The following OSBPL5 variants were observed in gnomAD, a reference collection of about 807,000 sequenced individuals.
OSBPL5 encodes the protein oxysterol-binding protein-related protein 5.
A neutral mutation model predicts 111.2 loss-of-function variants in OSBPL5; 71 were observed. That is an observed-to-expected ratio of 0.64 (90% CI 0.53 to 0.78). The LOEUF is 0.78. Among genes scored for constraint, OSBPL5 ranks in the 30% least tolerant of loss-of-function variants. OSBPL5 has a pLI of 0.00. For missense variants in OSBPL5, 1,210 were observed against 1,189.3 expected, an observed-to-expected ratio of 1.02 and a Z score of -0.26; for synonymous variants, 549 against 513.9, an observed-to-expected ratio of 1.07 and a Z score of -0.93.
chr11:3,131,555 CCATTCATT>C (rs1417474920), intron 1 of OSBPL5, among the ~76,000 whole-genome samples: 4 of 102,600 alleles, frequency 3.9e-5, no homozygotes, highest in African/African-American at 1.5e-4. Flanking sequence ...ATCCACCCAC[CCATTCATT>C]CATCCATCCA....
chr11:3,114,748 G>A (rs1026557935), intron 7 of OSBPL5, among the ~76,000 whole-genome samples: 5 of 151,414 alleles, frequency 3.3e-5, no homozygotes, highest in Non-Finnish European at 7.4e-5. Context: ...ACAGGCGCCC[G>A]CCACCACGCC....
chr11:3,132,250 C>CTT (rs1228296369), intron 1 of OSBPL5, among the ~76,000 whole-genome samples: 2 of 152,086 alleles, frequency 1.3e-5, no homozygotes, highest in African/African-American at 2.4e-5. Context: ...GACTATCACT[C>CTT]TGTGTGCCAA....
chr11:3,157,362 A>C (rs1276163839), intron 1 of OSBPL5, among the ~76,000 whole-genome samples: 1 of 152,166 alleles, frequency 6.6e-6, no homozygotes, highest in Non-Finnish European at 1.5e-5. Flanking sequence ...CTGATGAGAC[A>C]GGGTTCCAGG....
intron 10 of OSBPL5, among the ~76,000 whole-genome samples, chr11:3,103,784 GT>G (rs1857567051): frequency 6.1e-5 from 4 of 65,774 alleles, no homozygotes; most frequent in South Asian, 1.4e-3. Context: ...AGCCTCTGCA[GT>G]CCCTTCCTGC....
rs1564874363 is a variant in OSBPL5 at position 3,165,236 on chromosome 11, C to T, written c.-42G>A. 6.6e-6 allele frequency: 1 copy of T among 150,964 alleles called. No homozygotes were observed. The highest frequency in any genetic ancestry group is 2.4e-5 in the African/African-American group (1 of 41,270). The allele number at this position is 150,964 out of a possible 1,614,324, so 9.4% of individuals were successfully genotyped here. A position where few individuals can be genotyped will look rare whatever the true frequency, so the allele number is the denominator to read the frequency against. ...CCTACCTCCTACCGTGCCGCGAGCT[C>T]GGTGCTCCGGGCCGGCCGGGCGCGC... On this transcript the variant is annotated 5_prime_UTR_variant, in exon 1 of 22. Transcript: ENST00000263650. This position sits in a 1 kb window ranked among gnomAD's most constrained non-coding sequence, Gnocchi z 7.4.
chr11:3,107,461 A>G lies in OSBPL5; in HGVS notation c.867-6T>C. 1 of 1,613,786 alleles carries G rather than the reference A, an allele frequency of 6.2e-7. No homozygotes were observed. Among genetic ancestry groups the G allele is most frequent in the Middle Eastern group, 1.7e-4 (1 of 6,060 alleles). On this transcript the variant is annotated splice_region_variant and splice_polypyrimidine_tract_variant and intron_variant, in intron 8 of 21. Coordinates refer to ENST00000263650, the MANE Select transcript of OSBPL5 (RefSeq NM_020896.4). This position sits in a 1 kb window ranked among gnomAD's most constrained non-coding sequence, Gnocchi z 6.1. ...CCAGGGAAGACCCGTTCAGTCTGGA[A>G]GGTGGATGGTGCCAGTGGGTCCCTG...
intron 1 of OSBPL5, among the ~76,000 whole-genome samples, chr11:3,156,631 T>C (rs369522299): frequency 7.2e-4 from 109 of 152,366 alleles, no homozygotes; most frequent in African/African-American, 2.6e-3. Context: ...TGCCAGGACC[T>C]TGACGACGCT....
intron 7 of OSBPL5, among the ~76,000 whole-genome samples, chr11:3,112,067 G>GTGCGTGCA (rs1564837662): frequency 2.6e-5 from 2 of 77,618 alleles, no homozygotes; most frequent in Non-Finnish European, 6.2e-5. Flanking sequence ...ATGTGTATGT[G>GTGCGTGCA]TGTGTGCATG....
chr11:3,163,382 C>T (rs1409224649), intron 1 of OSBPL5, among the ~76,000 whole-genome samples: 1 of 152,156 alleles, frequency 6.6e-6, no homozygotes, highest in African/African-American at 2.4e-5. Flanking sequence ...CCCTTCCACC[C>T]GCCGGCTTGT....
chr11:3,132,924 C>T (rs538308656), intron 1 of OSBPL5, among the ~76,000 whole-genome samples: 19 of 152,202 alleles, frequency 1.2e-4, no homozygotes, highest in Non-Finnish European at 2.5e-4. Flanking sequence ...ACACAGGCTG[C>T]CTGTCGTGTC....
rs1857484228 is a variant in OSBPL5 at position 3,102,192 on chromosome 11, T to C, written c.1416A>G (p.Ile472Met). The change falls in exon 12 of 22, where the codon ATA (isoleucine) becomes ATG (methionine). Residue 472 changes from isoleucine to methionine, a missense_variant. Ile to Met is a conservative substitution (Grantham distance 10). Transcript: ENST00000263650. Reference protein sequence around the residue: ...HPQTDSRTFYIAEQVSHHPPV... With the variant: ...HPQTDSRTFYMAEQVSHHPPV... ...GCAGAGGTGCTCTTGCCTGCTCTGC[T>C]ATGTAGAATGTGCGGCTGTCAGTCT... 1.2e-6 allele frequency: 2 copies of C among 1,603,092 alleles called. No individual in the cohort carries two copies. The highest frequency in any genetic ancestry group is 1.3e-5 in the African/African-American group (1 of 74,958).
chr11:3,162,297 C>T lies in OSBPL5; in HGVS notation c.-22+2919G>A, dbSNP rs1438437648. ...CCGGATGTGAGGTGGGCTGGGAGGC[C>T]GAGCAAAGCATTTGCTCTCAGCCTG... On this transcript the variant is annotated intron_variant, in intron 1 of 21. Coordinates refer to ENST00000263650, the MANE Select transcript of OSBPL5 (RefSeq NM_020896.4). This position sits in a 1 kb window ranked among gnomAD's most constrained non-coding sequence, Gnocchi z 8.1. 2.0e-5 allele frequency among the ~76,000 whole-genome samples: 3 copies of T among 151,894 alleles called. No individual in the cohort carries two copies. The highest frequency in any genetic ancestry group is 2.9e-5 in the Non-Finnish European group (2 of 67,962).
intron 1 of OSBPL5, among the ~76,000 whole-genome samples, chr11:3,151,873 G>C (rs547859766): frequency 2.6e-5 from 4 of 152,250 alleles, no homozygotes; most frequent in African/African-American, 7.2e-5. Context: ...ACAGCTGCCT[G>C]TTCCTCCGGC....
intron 1 of OSBPL5, among the ~76,000 whole-genome samples, chr11:3,132,177 G>A (rs969902824): frequency 2.0e-5 from 3 of 151,898 alleles, no homozygotes; most frequent in African/African-American, 7.3e-5. Flanking sequence ...TTCAAATAAT[G>A]TCTGAAACAC....
intron 7 of OSBPL5, among the ~76,000 whole-genome samples, chr11:3,108,247 T>G (rs1217145050): frequency 6.6e-6 from 1 of 152,072 alleles, no homozygotes; most frequent in East Asian, 1.9e-4. Flanking sequence ...CACCTGGGGA[T>G]GCTCACAGCA....
intron 1 of OSBPL5, among the ~76,000 whole-genome samples, chr11:3,133,018 C>A (rs749344806): frequency 2.2e-4 from 34 of 152,214 alleles, no homozygotes; most frequent in Non-Finnish European, 4.0e-4. Context: ...CCTGCCTCCC[C>A]ACTGTTCCTG....
chr11:3,130,080 G>A lies in OSBPL5; in HGVS notation c.-21-911C>T, dbSNP rs1361582593. Among the ~76,000 whole-genome samples the A allele has an allele frequency of 6.6e-6, 1 of 152,222 alleles. No individual in the cohort carries two copies. The highest frequency in any genetic ancestry group is 1.5e-5 in the Non-Finnish European group (1 of 68,034). ...GTGCTGGGCCAAGCAGAGGGTAACT[G>A]ATTGCAGTCACGCCTTTGCAGGCAC... On this transcript the variant is annotated intron_variant, in intron 1 of 21. Coordinates refer to ENST00000263650, the MANE Select transcript of OSBPL5 (RefSeq NM_020896.4). The surrounding 1 kb of genome is among the most constrained non-coding windows in gnomAD (Gnocchi z 4.5).
chr11:3,158,723 C>G (rs1013880988), intron 1 of OSBPL5, among the ~76,000 whole-genome samples: 4 of 152,250 alleles, frequency 2.6e-5, no homozygotes, highest in Non-Finnish European at 4.4e-5. Flanking sequence ...TTTCCAATCA[C>G]TCAGTCTCAA....
chr11:3,093,940 A>G, intron 15 of OSBPL5, 105 bp from the exon 16 acceptor site: 2 of 1,393,506 alleles, frequency 1.4e-6, no homozygotes, highest in Non-Finnish European at 9.8e-7. Flanking sequence ...GGTGCCTGGG[A>G]GCCCAGGAGG....
Sources: allele counts gnomAD v4.1 joint callset (sites outside exome capture counted in the v4.1 genomes callset), GRCh38; gene constraint gnomAD v4.1.1; non-coding constraint Gnocchi (gnomAD v3.1); transcripts MANE v1.5; gene names NCBI Gene and HGNC (gene_info 2026-07-23, HGNC 2026-07-21).